MED24: variants seen among roughly 807,000 people sequenced by gnomAD.
MED24 encodes the protein mediator of RNA polymerase II transcription subunit 24.
Under a neutral mutation model 118.8 loss-of-function variants are expected in MED24, and 74 were observed. The observed-to-expected ratio is 0.62, with a 90% CI of 0.52 to 0.76. The LOEUF (loss-of-function observed/expected upper bound fraction) is 0.76, where lower values mean the gene tolerates loss of function less well. Among genes scored for constraint, MED24 ranks in the 30% least tolerant of loss-of-function variants. The pLI, the probability that MED24 is intolerant of heterozygous loss-of-function variation, is 0.00. For missense variants in MED24, 1,041 were observed against 1,278.9 expected, an observed-to-expected ratio of 0.81 and a Z score of 2.84; for synonymous variants, 521 against 523.9, an observed-to-expected ratio of 0.99 and a Z score of 0.08.
At chr17:40,027,254 G>GA in intron 16 of MED24, 129 bp downstream of exon 16, 1 of 1,214,248 alleles carries the variant, frequency 8.2e-7, no homozygotes, top group Admixed American at 2.6e-5. Context: ...AGCCCGGGTG[G>GA]GCACCTGGTT....
At chr17:40,019,982 G>A (rs537656540) in intron 24 of MED24, 49 bp from the exon 25 acceptor site, 6 of 1,543,448 alleles carry the variant, frequency 3.9e-6, no homozygotes, top group Admixed American at 3.9e-5. Flanking sequence ...ATGAGAGTGG[G>A]TGAGGTCACA....
chr17:40,051,126 G>C (rs1389830724), intron 3 of MED24, among the ~76,000 whole-genome samples: 1 of 110,226 alleles, frequency 9.1e-6, no homozygotes, highest in Non-Finnish European at 1.7e-5. Context: ...ACAAGAGCTA[G>C]ACTCTGTCTC....
chr17:40,027,155 A>C, intron 16 of MED24, 121 bp from the exon 17 acceptor site: 1 of 1,310,360 alleles, frequency 7.6e-7, no homozygotes, highest in Non-Finnish European at 1.1e-6. Context: ...AAGACTGGGG[A>C]CGAACTGGTC....
chr17:40,052,376 C>T (rs1044725793), intron 3 of MED24, among the ~76,000 whole-genome samples: 2 of 152,080 alleles, frequency 1.3e-5, no homozygotes, highest in Admixed American at 1.3e-4. Context: ...AGCACATCAC[C>T]CCATTGTAAG....
At chr17:40,032,540 G>A in intron 9 of MED24, 109 bp downstream of exon 9, 1 of 773,860 alleles carries the variant, frequency 1.3e-6, no homozygotes, top group Non-Finnish European at 2.1e-6. Flanking sequence ...TACCTGGCAG[G>A]CTGGGCCCAG....
chr17:40,037,854 T>G (rs1174221749), intron 3 of MED24, among the ~76,000 whole-genome samples: 1 of 149,332 alleles, frequency 6.7e-6, no homozygotes, highest in African/African-American at 2.5e-5. Context: ...GAGCTTGCAG[T>G]GAGCCGAGAT....
At chr17:40,038,546 G>A (rs3936197) in intron 3 of MED24, among the ~76,000 whole-genome samples, 93,603 of 151,516 alleles carry the variant, frequency 0.62, 29,112 homozygotes, top group South Asian at 0.74. Context: ...CCCCGTCTCT[G>A]CTAAAAATAC....
In MED24 at chr17:40,022,724, C is replaced by A. The variant is rs1181007747; in HGVS notation, c.2353G>T (p.Gly785Cys). The change falls in exon 21 of 26, where the codon GGC becomes TGC. Residue 785 changes from glycine (G) to cysteine (C), a missense_variant. Around this residue, in one of 3 missense-constraint regions of MED24, gnomAD observed 587 missense variants for 694.4 expected, o/e 0.85. Coordinates refer to ENST00000394128, the MANE Select transcript of MED24 (RefSeq NM_014815.4). The stretch of plus-strand genomic sequence containing the variant: ...GTGAGCAGGCCAGGTAGGATGTGGC[C>A]CAGCAGGACCAGGGTCACTTGCTGC... ...DMQQVTLVLL[G>C]HILPGLLTDS... is the part of the protein sequence containing the mutation. The A allele has an allele frequency of 6.2e-7, 1 of 1,613,772 alleles. No homozygotes were observed. Among genetic ancestry groups the A allele is most frequent in the Admixed American group, 1.7e-5 (1 of 60,012 alleles).
At chr17:40,044,425 CAGG>C (rs1332798083) in intron 3 of MED24, among the ~76,000 whole-genome samples, 1 of 151,760 alleles carries the variant, frequency 6.6e-6, no homozygotes, top group African/African-American at 2.4e-5. Flanking sequence ...GAGGCTGAGG[CAGG>C]AGAATTGCTT....
intron 20 of MED24, 41 bp from the exon 21 acceptor site, chr17:40,022,867 C>T (rs780149950): frequency 1.4e-5 from 23 of 1,600,404 alleles, no homozygotes; most frequent in African/African-American, 6.7e-5. Flanking sequence ...GCCAGGGGCC[C>T]GGGATCTGGG....
chr17:40,020,048 C>CA, intron 24 of MED24, 115 bp from the exon 25 acceptor site: 1 of 1,292,566 alleles, frequency 7.7e-7, no homozygotes, highest in Non-Finnish European at 1.1e-6. Context: ...AGCATGTCCC[C>CA]AAAATGGGGT....
intron 3 of MED24, among the ~76,000 whole-genome samples, chr17:40,049,767 C>T (rs1206100572): frequency 2.6e-5 from 4 of 151,892 alleles, no homozygotes; most frequent in South Asian, 2.1e-4. Flanking sequence ...CCTCGTGATC[C>T]GCCCACCTCG....
rs1226039274 is a variant in MED24, at chr17:40,021,944, C to T, written c.2623+11G>A. 2 of 1,581,674 alleles carry T rather than the reference C, an allele frequency of 1.3e-6. No individual in the cohort carries two copies. Reference sequence around the variant, plus strand: ...GAAAAGGAGCGGCGCGCGGCCAGCCCACACACTCACTGGGGCTCGAAAGGA... The same window carrying T: ...GAAAAGGAGCGGCGCGCGGCCAGCCTACACACTCACTGGGGCTCGAAAGGA... On this transcript the variant is annotated intron_variant, in intron 23 of 25. Transcript: ENST00000394128.
At chr17:40,039,122 A>G (rs1984270230) in intron 3 of MED24, among the ~76,000 whole-genome samples, 2 of 152,214 alleles carry the variant, frequency 1.3e-5, no homozygotes, top group Admixed American at 6.5e-5. Context: ...GAAACCCCCA[A>G]TTATGCATGT....
At chr17:40,040,975 T>C (rs1183073582) in intron 3 of MED24, among the ~76,000 whole-genome samples, 1 of 152,038 alleles carries the variant, frequency 6.6e-6, no homozygotes, top group Non-Finnish European at 1.5e-5. Flanking sequence ...CTCAAACTCC[T>C]GGCCTCAAGT....
chr17:40,027,669 G>A lies in MED24; in HGVS notation c.1448-204C>T, dbSNP rs746530588. 548 of 662,932 alleles carry A rather than the reference G, an allele frequency of 8.3e-4. 5 individuals are homozygous for A. The highest frequency in any genetic ancestry group is 4.5e-4 in the Non-Finnish European group (175 of 386,678). 41.1% of individuals were successfully genotyped at this position (662,932 alleles called of 1,614,324 possible). ...CAAAGACCCCCAGCACCCTCTCCTG[G>A]CATACCTAACCAAGTCGTAAAGGGA... is the stretch of plus-strand genomic sequence containing the variant. On this transcript the variant is annotated intron_variant, in intron 15 of 25. Transcript: ENST00000394128.
intron 14 of MED24, 93 bp downstream of exon 14, chr17:40,028,733 C>T (rs2144891892): frequency 6.5e-7 from 1 of 1,547,254 alleles, no homozygotes; most frequent in Non-Finnish European, 8.7e-7. Context: ...CTGGATGAGA[C>T]CCAGACCCAG....
chr17:40,032,753 TGG>T lies in MED24; in HGVS notation c.830_831del (p.Pro277HisfsTer18). The T allele has an allele frequency of 6.2e-7, 1 of 1,613,084 alleles. No individual in the cohort carries two copies. Among genetic ancestry groups the T allele is most frequent in the Non-Finnish European group, 8.5e-7 (1 of 1,179,700 alleles). ...LTMVKRMQHI[P>X]TPLFVLEIWK... Reference sequence around the variant, plus strand: ...CAGATCTCCAGGACAAAAAGTGGGGTGGGGATATGCTGTGGGAAGAGCCAAGG... The same window carrying T: ...CAGATCTCCAGGACAAAAAGTGGGGTGGATATGCTGTGGGAAGAGCCAAGG... On this transcript the variant is annotated frameshift_variant, in exon 9 of 26. Transcript: ENST00000394128. LOFTEE classifies it high-confidence loss of function.
chr17:40,027,460 G>A lies in MED24; in HGVS notation c.1453C>T (p.Pro485Ser), dbSNP rs1982809796. 1.9e-6 allele frequency: 3 copies of A among 1,611,074 alleles called. No individual in the cohort carries two copies. The highest frequency in any genetic ancestry group is 1.7e-6 in the Non-Finnish European group (2 of 1,178,528). ...AACAGCAGGGCCCGGACGGAGGCCG[G>A]TTTGGCTGTGGAAGGACGGGAAGGC... The part of the protein sequence containing the change: ...TTYGSEESTK[P>S]ASVRALLFDI... Residue 485 changes from proline to serine, a missense_variant, in exon 16 of 26, where the codon CCG becomes TCG. Physicochemically the swap from Pro to Ser is moderately conservative, Grantham distance 74 (BLOSUM62 -1). Coordinates refer to ENST00000394128, the MANE Select transcript of MED24 (RefSeq NM_014815.4).
Sources: allele counts gnomAD v4.1 joint callset (sites outside exome capture counted in the v4.1 genomes callset), GRCh38; gene constraint gnomAD v4.1.1; regional missense constraint gnomAD v4.1.1; transcripts MANE v1.5; gene names NCBI Gene and HGNC (gene_info 2026-07-23, HGNC 2026-07-21).